The following AK3 variants were observed in gnomAD, a reference collection of about 807,000 sequenced individuals.
AK3 encodes the protein adenylate kinase 3.
A neutral mutation model predicts 23.7 loss-of-function variants in AK3; 27 were observed. That is an observed-to-expected ratio of 1.14 (90% confidence interval 0.84 to 1.57). The LOEUF (loss-of-function observed/expected upper bound fraction) is 1.57, where lower values mean the gene tolerates loss of function less well. AK3 is among the 40% of genes most tolerant of loss of function. The probability of loss-of-function intolerance (pLI) is 0.00; values close to 1 mark genes in which losing one functional copy is unlikely to be tolerated. For missense variants in AK3, 406 were observed against 285.6 expected, an observed-to-expected ratio of 1.42 and a Z score of -3.04; for synonymous variants, 159 against 116.0, an observed-to-expected ratio of 1.37 and a Z score of -2.38.
At position 4,713,009 on chromosome 9, in the gene AK3, T is replaced by G. The variant is rs769541213; in HGVS notation, c.651A>C (p.Pro217=). 6.2e-7 allele frequency: 1 copy of G among 1,613,752 alleles called. No homozygotes were observed. Among genetic ancestry groups the G allele is most frequent in the South Asian group, 1.1e-5 (1 of 91,062 alleles). ...TAACTGAAGCTTTCTGGCTTCTTTGTGGAACTTTAGTTTGTAGGAAAGCAT... is the reference window on the plus strand; with the variant it reads ...TAACTGAAGCTTTCTGGCTTCTTTGGGGAACTTTAGTTTGTAGGAAAGCAT... The part of the protein sequence containing the change: ...YVYAFLQTKV[P]QRSQKASVTP Residue 217 remains proline, a synonymous_variant, in exon 5 of 5, where the codon CCA becomes CCC. Coordinates refer to ENST00000381809, the MANE Select transcript of AK3 (RefSeq NM_016282.4).
upstream of AK3, chr9:4,741,376 C>G (rs1842431800): frequency 6.4e-6 from 2 of 310,782 alleles, no homozygotes; most frequent in Non-Finnish European, 1.2e-5. Context: ...CCTCTGCGCT[C>G]GCTCGGCCGC....
chr9:4,711,390 T>A lies in AK3; in HGVS notation c.*1586A>T, dbSNP rs1841557837. Reference sequence around the variant, plus strand: ...TTTAGAAAGCACATAAGATTAACATTCAAATAAGGCATTATAGAAAGTTTT... The same window carrying A: ...TTTAGAAAGCACATAAGATTAACATACAAATAAGGCATTATAGAAAGTTTT... On this transcript the variant is annotated 3_prime_UTR_variant, in exon 5 of 5. Transcript: ENST00000381809. 6.6e-6 allele frequency: 1 copy of A among 152,630 alleles called. No homozygotes were observed. Among genetic ancestry groups the A allele is most frequent in the African/African-American group, 2.4e-5 (1 of 41,450 alleles). 9.5% of individuals were successfully genotyped at this position (152,630 alleles called of 1,614,324 possible). A position where few individuals can be genotyped will look rare whatever the true frequency, so the allele number is the denominator to read the frequency against.
intron 1 of AK3, 71 bp downstream of exon 1, chr9:4,740,866 C>G: frequency 1.4e-6 from 2 of 1,392,956 alleles, no homozygotes; most frequent in South Asian, 1.6e-5. Context: ...GCGTGCCCAG[C>G]TTCGGCCCCT....
At position 4,722,363 on chromosome 9, in the gene AK3, A is replaced by T; in HGVS notation, c.271+143T>A. On this transcript the variant is annotated intron_variant, in intron 2 of 4. Coordinates refer to ENST00000381809, the MANE Select transcript of AK3 (RefSeq NM_016282.4). Reference sequence around the variant, plus strand: ...TTGGATATAGAACTGGTCCCAGAGAAGATGACTGGTTTCAGGATAGTCCCA... The same window carrying T: ...TTGGATATAGAACTGGTCCCAGAGATGATGACTGGTTTCAGGATAGTCCCA... 2.6e-6 allele frequency: 3 copies of T among 1,147,532 alleles called. No individual in the cohort carries two copies. The South Asian group carries it at 4.9e-5, about 19-fold the overall frequency. 71.1% of individuals were successfully genotyped at this position (1,147,532 alleles called of 1,614,324 possible).
upstream of AK3, chr9:4,741,207 T>C (rs975965033): frequency 1.1e-4 from 123 of 1,125,320 alleles, 1 homozygote; most frequent in Non-Finnish European, 1.2e-4. Flanking sequence ...GCTACTGCGG[T>C]TCCCCGGCGT....
chr9:4,715,678 T>A (rs984829662), intron 4 of AK3, among the ~76,000 whole-genome samples: 4 of 152,186 alleles, frequency 2.6e-5, no homozygotes, highest in African/African-American at 9.7e-5. Flanking sequence ...ATTACAGGCA[T>A]GAGCCACTGT....
chr9:4,732,299 A>G (rs1842173019), intron 1 of AK3, among the ~76,000 whole-genome samples: 1 of 152,164 alleles, frequency 6.6e-6, no homozygotes, highest in Non-Finnish European at 1.5e-5. Context: ...TTATAAGAAT[A>G]CAGTATACAA....
At chr9:4,726,318 G>C (rs564460718) in intron 1 of AK3, among the ~76,000 whole-genome samples, 7 of 152,162 alleles carry the variant, frequency 4.6e-5, no homozygotes, top group Non-Finnish European at 1.0e-4. Context: ...GTAGCATGCA[G>C]TGTTGTGTGA....
intron 4 of AK3, among the ~76,000 whole-genome samples, chr9:4,713,548 C>G (rs1487961464): frequency 2.0e-5 from 3 of 152,036 alleles, no homozygotes; most frequent in Non-Finnish European, 4.4e-5. Flanking sequence ...TTTTTTTCTA[C>G]TTACTCTTTT....
intron 4 of AK3, among the ~76,000 whole-genome samples, chr9:4,717,443 C>T (rs1268423552): frequency 6.6e-6 from 1 of 152,184 alleles, no homozygotes; most frequent in Non-Finnish European, 1.5e-5. Context: ...ATTACATAGT[C>T]TGAGGGATTA....
intron 1 of AK3, among the ~76,000 whole-genome samples, chr9:4,735,003 G>C (rs763541543): frequency 4.0e-5 from 6 of 151,684 alleles, no homozygotes; most frequent in Non-Finnish European, 5.9e-5. Context: ...AGGTGGAGGG[G>C]TGTGGGGTAG....
chr9:4,710,193 GT>G lies in AK3; in HGVS notation c.*2782del, dbSNP rs1285554031. On this transcript the variant is annotated 3_prime_UTR_variant, in exon 5 of 5. Transcript: ENST00000381809. ...AACTTTTACTCTATAAAATAAATCA[GT>G]TGAGGTGCTGTTCTCCCTGGCTTTT... The G allele has an allele frequency of 6.6e-6, 1 of 152,054 alleles. No individual in the cohort carries two copies. Among genetic ancestry groups the G allele is most frequent in the African/African-American group, 2.4e-5 (1 of 41,392 alleles). 9.4% of individuals were successfully genotyped at this position (152,054 alleles called of 1,614,324 possible).
At chr9:4,732,971 A>G (rs1346273820) in intron 1 of AK3, among the ~76,000 whole-genome samples, 1 of 151,908 alleles carries the variant, frequency 6.6e-6, no homozygotes, top group South Asian at 2.1e-4. Context: ...TAGCTTCCCA[A>G]GTAGTTAGGA....
rs56196808 is a variant in AK3, at chr9:4,731,669, A to G, written c.152-9044T>C. ...TACCCCCTCCCAAAATTATATGCAA[A>G]GACTCTTAACCAGCATGTTCTCTGG... On this transcript the variant is annotated intron_variant, in intron 1 of 4. Transcript: ENST00000381809. 6.7e-3 allele frequency among the ~76,000 whole-genome samples: 1,023 copies of G among 152,244 alleles called. 8 individuals are homozygous for G. The highest frequency in any genetic ancestry group is 0.024 in the African/African-American group (977 of 41,534).
chr9:4,728,664 A>C (rs1034722362), intron 1 of AK3, among the ~76,000 whole-genome samples: 3 of 151,966 alleles, frequency 2.0e-5, no homozygotes, highest in African/African-American at 7.3e-5. Context: ...TGGTGTAGCC[A>C]ATTTGTAAAA....
chr9:4,729,297 A>C (rs1317705062), intron 1 of AK3, among the ~76,000 whole-genome samples: 3 of 152,156 alleles, frequency 2.0e-5, no homozygotes, highest in African/African-American at 4.8e-5. Context: ...GGCATGAGCC[A>C]CTGCACCCAG....
intron 1 of AK3, among the ~76,000 whole-genome samples, chr9:4,734,201 G>C (rs190288846): frequency 2.0e-5 from 3 of 152,302 alleles, no homozygotes; most frequent in African/African-American, 7.2e-5. Flanking sequence ...ACAGAGGAAA[G>C]GCCATGTGAG....
intron 1 of AK3, among the ~76,000 whole-genome samples, chr9:4,732,664 A>T (rs910769593): frequency 6.6e-6 from 1 of 152,238 alleles, no homozygotes; most frequent in African/African-American, 2.4e-5. Flanking sequence ...AGAAATCCTA[A>T]AACATGGAGA....
chr9:4,728,852 T>TACACACACAC (rs1224091484), intron 1 of AK3, among the ~76,000 whole-genome samples: 16 of 26,064 alleles, frequency 6.1e-4, no homozygotes, highest in South Asian at 2.4e-3. Context: ...TATATATATA[T>TACACACACAC]ATATATATAT....
Sources: allele counts gnomAD v4.1 joint callset (sites outside exome capture counted in the v4.1 genomes callset), GRCh38; gene constraint gnomAD v4.1.1; transcripts MANE v1.5; gene names NCBI Gene and HGNC (gene_info 2026-07-23, HGNC 2026-07-21).